Variants in EYS observed in about 807,000 individuals in gnomAD.
The protein encoded by EYS is EGF-like photoreceptor maintenance factor.
In EYS, 250 loss-of-function variants were observed where a neutral mutation model predicts 282.1. That is an observed-to-expected ratio of 0.89 (90% CI 0.80 to 0.98). The LOEUF (loss-of-function observed/expected upper bound fraction) is 0.98, where lower values mean the gene tolerates loss of function less well. Among genes scored for constraint, EYS ranks in the 50% least tolerant of loss-of-function variants. EYS has a pLI of 0.00. For missense variants in EYS, 4,016 were observed against 3,709.0 expected (o/e 1.08, Z -2.15); for synonymous variants, 1,355 against 1,282.9 (o/e 1.06, Z -1.20).
At chr6:63,801,369 T>A (rs1770778733) in intron 37 of EYS, among the ~76,000 whole-genome samples, 1 of 152,186 alleles carries the variant, frequency 6.6e-6, no homozygotes, top group African/African-American at 2.4e-5. Flanking sequence ...GGACCTCGTC[T>A]GTCTTGTTAA....
At chr6:64,475,146 A>G (rs1649214641) in intron 26 of EYS, among the ~76,000 whole-genome samples, 1 of 152,220 alleles carries the variant, frequency 6.6e-6, no homozygotes, top group Admixed American at 6.5e-5. Flanking sequence ...ACTCTTTCCC[A>G]ATGTCTCTCC....
chr6:65,276,308 T>A (rs1768046297), intron 12 of EYS, among the ~76,000 whole-genome samples: 1 of 152,128 alleles, frequency 6.6e-6, no homozygotes, highest in East Asian at 1.9e-4. Context: ...GCACCATTAT[T>A]CCTAGTGACC....
intron 24 of EYS, among the ~76,000 whole-genome samples, chr6:64,607,981 G>T (rs1056866090): frequency 6.6e-5 from 10 of 152,096 alleles, no homozygotes; most frequent in African/African-American, 2.2e-4. Flanking sequence ...CATTTAGCCT[G>T]GCAAATAGTT....
chr6:64,125,154 G>GCGCGCGCGCGCGCGCTCTCTCTCTC (rs1773724746), intron 31 of EYS, among the ~76,000 whole-genome samples: 3 of 145,262 alleles, frequency 2.1e-5, no homozygotes, highest in African/African-American at 7.8e-5. Context: ...CACACTCTCT[G>GCGCGCGCGCGCGCGCTCTCTCTCTC]TCTCTCTCTC....
At chr6:64,885,196 T>G (rs1767050631) in intron 19 of EYS, among the ~76,000 whole-genome samples, 1 of 151,544 alleles carries the variant, frequency 6.6e-6, no homozygotes, top group African/African-American at 2.4e-5. Context: ...ATTAATTGAG[T>G]TTTCTTTTAC....
intron 36 of EYS, among the ~76,000 whole-genome samples, chr6:63,814,005 T>C (rs1771115075): frequency 6.6e-6 from 1 of 152,238 alleles, no homozygotes; most frequent in African/African-American, 2.4e-5. Flanking sequence ...GCTTTGAGTA[T>C]ACACGTCTTT....
At chr6:63,966,012 T>C (rs1422696757) in intron 35 of EYS, among the ~76,000 whole-genome samples, 1 of 152,196 alleles carries the variant, frequency 6.6e-6, no homozygotes, top group Non-Finnish European at 1.5e-5. Flanking sequence ...TTCATTATTT[T>C]ATAACATAGG....
At chr6:63,952,398 G>A (rs1000815951) in intron 35 of EYS, among the ~76,000 whole-genome samples, 1 of 152,226 alleles carries the variant, frequency 6.6e-6, no homozygotes. Flanking sequence ...GACCATCACA[G>A]ATGCTTTGGG....
chr6:64,376,664 T>C, intron 29 of EYS, among the ~76,000 whole-genome samples: 1 of 152,202 alleles, frequency 6.6e-6, no homozygotes, highest in South Asian at 2.1e-4. Flanking sequence ...ACATCGCCTC[T>C]GGGATGAAGT....
intron 14 of EYS, among the ~76,000 whole-genome samples, chr6:64,990,268 C>T (rs1212450630): frequency 2.6e-5 from 4 of 151,262 alleles, no homozygotes; most frequent in Non-Finnish European, 3.0e-5. Context: ...CACAACACAG[C>T]GGTTTTTAGA....
intron 2 of EYS, among the ~76,000 whole-genome samples, chr6:65,614,565 G>T (rs1285512051): frequency 1.3e-5 from 2 of 152,002 alleles, no homozygotes; most frequent in Non-Finnish European, 2.9e-5. Context: ...ATGACCAGTT[G>T]TCTCCACAAA....
At chr6:65,570,529 A>G (rs534464598) in intron 2 of EYS, among the ~76,000 whole-genome samples, 20 of 152,240 alleles carry the variant, frequency 1.3e-4, no homozygotes, top group African/African-American at 4.1e-4. Context: ...ACTGACTTTT[A>G]TCATGATCTC....
intron 29 of EYS, among the ~76,000 whole-genome samples, chr6:64,324,820 A>G (rs1770350498): frequency 6.6e-6 from 1 of 152,210 alleles, no homozygotes; most frequent in Non-Finnish European, 1.5e-5. Context: ...ATGTATCAAT[A>G]ACATCCAGGC....
intron 13 of EYS, among the ~76,000 whole-genome samples, chr6:65,050,690 A>T (rs1425687042): frequency 2.6e-5 from 4 of 151,740 alleles, no homozygotes; most frequent in Middle Eastern, 3.4e-3. Context: ...CAGCATCTGT[A>T]GATCCCCATT....
chr6:64,130,134 A>C (rs1384045235), intron 31 of EYS, among the ~76,000 whole-genome samples: 1 of 152,248 alleles, frequency 6.6e-6, no homozygotes, highest in East Asian at 1.9e-4. Flanking sequence ...TACTGGGTAT[A>C]TACCCAAAGG....
chr6:64,861,487 C>A (rs1766236263), intron 19 of EYS, among the ~76,000 whole-genome samples: 1 of 152,052 alleles, frequency 6.6e-6, no homozygotes, highest in Non-Finnish European at 1.5e-5. Flanking sequence ...TGCAGGTGTA[C>A]CTGGGAAGGT....
In EYS at chr6:64,540,634, C is replaced by G. The variant is rs2485435; in HGVS notation, c.5644+49589G>C. ...AGTAGCTGGGATCACAGGCATGCAC[C>G]GCCACACCCAGGTAATTTTTTGTAT... is the stretch of plus-strand genomic sequence containing the variant. On this transcript the variant is annotated intron_variant, in intron 26 of 42. Transcript: ENST00000503581. Among the ~76,000 whole-genome samples the G allele has an allele frequency of 7.5e-3, 1,133 of 152,032 alleles. 17 individuals carry two copies. Among genetic ancestry groups the G allele is most frequent in the African/African-American group, 0.026 (1,064 of 41,442 alleles).
At chr6:64,647,339 A>AAC (rs762621270) in intron 22 of EYS, among the ~76,000 whole-genome samples, 8 of 152,044 alleles carry the variant, frequency 5.3e-5, no homozygotes, top group African/African-American at 1.9e-4. Flanking sequence ...GGCAGTTTTT[A>AAC]ACACACACAC....
intron 12 of EYS, among the ~76,000 whole-genome samples, chr6:65,173,874 A>G: frequency 6.6e-6 from 1 of 151,416 alleles, no homozygotes; most frequent in African/African-American, 2.4e-5. Context: ...AATCTTAAAT[A>G]AATATGCTAC....
Sources: allele counts gnomAD v4.1 joint callset (sites outside exome capture counted in the v4.1 genomes callset), GRCh38; gene constraint gnomAD v4.1.1; transcripts MANE v1.5; gene names NCBI Gene and HGNC (gene_info 2026-07-23, HGNC 2026-07-21).